The following MARVELD3 variants were observed in gnomAD, a reference collection of about 807,000 sequenced individuals.
The protein encoded by MARVELD3 is MARVEL domain-containing protein 3.
MARVELD3 carries 28 observed loss-of-function variants against 33.5 expected under a neutral mutation model. That is an observed-to-expected ratio of 0.84 (90% CI 0.62 to 1.15). The LOEUF (loss-of-function observed/expected upper bound fraction) is 1.15, where lower values mean the gene tolerates loss of function less well. Among genes scored for constraint, MARVELD3 ranks in the 50% most tolerant of loss-of-function variants. The probability of loss-of-function intolerance (pLI) is 0.00; values close to 1 mark genes in which losing one functional copy is unlikely to be tolerated. For missense variants in MARVELD3, 582 were observed against 547.6 expected (o/e 1.06, Z -0.63); for synonymous variants, 241 against 230.4 (o/e 1.05, Z -0.42).
chr16:71,627,463 C>T (rs1399502355), intron 1 of MARVELD3, among the ~76,000 whole-genome samples: 1 of 150,668 alleles, frequency 6.6e-6, no homozygotes, highest in African/African-American at 2.4e-5. Context: ...GAGATCGCAC[C>T]ACTGCACTCC....
chr16:71,626,437 G>A lies in MARVELD3; in HGVS notation c.208G>A (p.Asp70Asn). The change falls in exon 1 of 3, where the codon GAC (aspartate) becomes AAC (asparagine). Residue 70 changes from aspartate to asparagine, a missense_variant. By Grantham distance (23) the Asp-to-Asn change is conservative. Transcript: ENST00000268485. The surrounding 1 kb of genome is among the most constrained non-coding windows in gnomAD (Gnocchi z 5.3). ...ERDQERDGNR[D>N]RNRDRERERE... Reference sequence around the variant, plus strand: ...AGACCAGGAGAGGGACGGGAACCGCGACCGGAACCGGGACCGGGAGAGGGA... The same window carrying A: ...AGACCAGGAGAGGGACGGGAACCGCAACCGGAACCGGGACCGGGAGAGGGA... The A allele has an allele frequency of 3.2e-6, 5 of 1,548,374 alleles. No homozygotes were observed. The South Asian group carries it at 6.0e-5, about 18-fold the overall frequency.
chr16:71,638,496 T>C (rs963044657), downstream of MARVELD3: 3 of 152,600 alleles, frequency 2.0e-5, no homozygotes, highest in African/African-American at 4.8e-5. Flanking sequence ...ATGTGCTTTT[T>C]ATTTGCATAA....
At chr16:71,631,538 G>C (rs941644904) in intron 2 of MARVELD3, among the ~76,000 whole-genome samples, 12 of 152,034 alleles carry the variant, frequency 7.9e-5, no homozygotes, top group African/African-American at 2.7e-4. Flanking sequence ...CTGCCTCCCG[G>C]GTGCCAGTTG....
At position 71,635,426 on chromosome 16, in the gene MARVELD3, A is replaced by G; in HGVS notation, c.*623A>G. On this transcript the variant is annotated 3_prime_UTR_variant, in exon 3 of 3. Coordinates refer to ENST00000268485, the MANE Select transcript of MARVELD3 (RefSeq NM_052858.6). ...CCTCTTCATTCAGTAAAGGGAGGTC[A>G]CCAAGAGAATTTGATGAACCTTACC... The G allele has an allele frequency of 3.0e-6, 3 of 984,674 alleles. No individual in the cohort carries two copies. Among genetic ancestry groups the G allele is most frequent in the Non-Finnish European group, 3.6e-6 (3 of 829,822 alleles). 61.0% of individuals were successfully genotyped at this position (984,674 alleles called of 1,614,324 possible).
chr16:71,640,914 A>G (rs758525659), downstream of MARVELD3: 3 of 1,614,146 alleles, frequency 1.9e-6, no homozygotes, highest in South Asian at 3.3e-5. Flanking sequence ...GTACGGCGCC[A>G]GCGTGGTGCT....
Position 71,626,702 on chromosome 16 carries a change from A to AG in MARVELD3, c.467+10dup. 6.8e-7 allele frequency: 1 copy of AG among 1,466,480 alleles called. No homozygotes were observed. Among genetic ancestry groups the AG allele is most frequent in the Non-Finnish European group, 9.0e-7 (1 of 1,115,648 alleles). 90.8% of individuals were successfully genotyped at this position (1,466,480 alleles called of 1,614,324 possible). A position where few individuals can be genotyped will look rare whatever the true frequency, so the allele number is the denominator to read the frequency against. The stretch of plus-strand genomic sequence containing the variant: ...GGGCGCCGCAGACCCGAAAGGTGAG[A>AG]GGGGCCGGGGCGCTGCGACCTCCGC... On this transcript the variant is annotated splice_region_variant and intron_variant, in intron 1 of 2. Transcript: ENST00000268485. This position sits in a 1 kb window ranked among gnomAD's most constrained non-coding sequence, Gnocchi z 5.3.
downstream of MARVELD3, chr16:71,636,596 A>T (rs973535648): frequency 5.9e-5 from 9 of 151,912 alleles, no homozygotes; most frequent in African/African-American, 1.7e-4. Context: ...TTATTTTTTT[A>T]TTTCTTATTT....
chr16:71,626,221 A>G lies in MARVELD3; in HGVS notation c.-9A>G. Reference sequence around the variant, plus strand: ...AGGTCGCTCCCGGGCGGGGACACGGAACCCGGCCATGGAAGATCCGTCGGG... The same window carrying G: ...AGGTCGCTCCCGGGCGGGGACACGGGACCCGGCCATGGAAGATCCGTCGGG... On this transcript the variant is annotated 5_prime_UTR_variant, in exon 1 of 3. Coordinates refer to ENST00000268485, the MANE Select transcript of MARVELD3 (RefSeq NM_052858.6). This position sits in a 1 kb window ranked among gnomAD's most constrained non-coding sequence, Gnocchi z 5.3. 1 of 1,463,632 alleles carries G rather than the reference A, an allele frequency of 6.8e-7. No individual in the cohort carries two copies. 90.7% of individuals were successfully genotyped at this position (1,463,632 alleles called of 1,614,324 possible).
At position 71,629,458 on chromosome 16, in the gene MARVELD3, G is replaced by C; in HGVS notation, c.559G>C (p.Glu187Gln). Residue 187 changes from glutamate to glutamine, a missense_variant, in exon 2 of 3, where the codon GAA (glutamate) becomes CAA (glutamine). Coordinates refer to ENST00000268485, the MANE Select transcript of MARVELD3 (RefSeq NM_052858.6). Reference protein sequence around the residue: ...YYQSEAEGLLECHKCKYLCTG... With the variant: ...YYQSEAEGLLQCHKCKYLCTG... ...CCAGTCAGAGGCGGAAGGACTCCTG[G>C]AATGCCACAAATGCAAATACTTGTG... The C allele has an allele frequency of 6.3e-7, 1 of 1,577,502 alleles. No homozygotes were observed. Among genetic ancestry groups the C allele is most frequent in the Non-Finnish European group, 8.6e-7 (1 of 1,166,028 alleles).
chr16:71,634,886 G>T lies in MARVELD3; in HGVS notation c.*83G>T. The stretch of plus-strand genomic sequence containing the variant: ...GCCTTTCCCAAGAATCCCTTGTTGT[G>T]GAAGTTTCCAGTGCTGGAAAAGCAG... On this transcript the variant is annotated 3_prime_UTR_variant, in exon 3 of 3. Transcript: ENST00000268485. 1 of 1,515,310 alleles carries T rather than the reference G, an allele frequency of 6.6e-7. No homozygotes were observed. Among genetic ancestry groups the T allele is most frequent in the South Asian group, 1.4e-5 (1 of 73,406 alleles). 93.9% of individuals were successfully genotyped at this position (1,515,310 alleles called of 1,614,324 possible). A position where few individuals can be genotyped will look rare whatever the true frequency, so the allele number is the denominator to read the frequency against.
intron 2 of MARVELD3, among the ~76,000 whole-genome samples, chr16:71,631,496 T>C (rs764279895): frequency 4.6e-5 from 7 of 151,852 alleles, no homozygotes; most frequent in African/African-American, 1.5e-4. Flanking sequence ...CAGGCTGGAG[T>C]GCAGTGGCAT....
chr16:71,637,410 A>G (rs945765179), downstream of MARVELD3, among the ~76,000 whole-genome samples: 1 of 152,184 alleles, frequency 6.6e-6, no homozygotes, highest in Non-Finnish European at 1.5e-5. Flanking sequence ...TGTAGGGTCC[A>G]CTAACCCCCA....
At chr16:71,640,421 T>C (rs1179049864), downstream of MARVELD3, 1 of 1,614,142 alleles carries the variant, frequency 6.2e-7, no homozygotes, top group Admixed American at 1.7e-5. Context: ...TGGTCTTGAA[T>C]GGGATGGTTC....
chr16:71,633,958 CG>C (rs2044556965), intron 2 of MARVELD3, among the ~76,000 whole-genome samples: 1 of 152,116 alleles, frequency 6.6e-6, no homozygotes, highest in Non-Finnish European at 1.5e-5. Context: ...CAGGGCACAC[CG>C]CTTTGCTCTT....
At chr16:71,629,342 G>C in intron 1 of MARVELD3, 25 bp from the exon 2 acceptor site, 1 of 1,519,772 alleles carries the variant, frequency 6.6e-7, no homozygotes, top group Non-Finnish European at 8.7e-7. Flanking sequence ...ACCCCCTAAT[G>C]ACCATGTATG....
chr16:71,630,205 G>A (rs560510905), intron 2 of MARVELD3, among the ~76,000 whole-genome samples: 3 of 152,172 alleles, frequency 2.0e-5, no homozygotes, highest in African/African-American at 7.2e-5. Flanking sequence ...TGGCCAACGT[G>A]GTGAGGAGGA....
At chr16:71,638,009 C>A (rs1356345560), downstream of MARVELD3, 2 of 152,126 alleles carry the variant, frequency 1.3e-5, no homozygotes, top group Non-Finnish European at 2.9e-5. Flanking sequence ...CTTAGAAGGA[C>A]TGAATGGCTT....
rs1050771464 is a variant in MARVELD3 at position 71,636,205 on chromosome 16, A to C, written c.*1402A>C. ...CCAATAAAAAATCCAAAGAATTTTAATTTGGAGTTGATGTCCTCTTTACAA... is the reference window on the plus strand; with the variant it reads ...CCAATAAAAAATCCAAAGAATTTTACTTTGGAGTTGATGTCCTCTTTACAA... On this transcript the variant is annotated 3_prime_UTR_variant, in exon 3 of 3. Coordinates refer to ENST00000268485, the MANE Select transcript of MARVELD3 (RefSeq NM_052858.6). 1 of 946,730 alleles carries C rather than the reference A, an allele frequency of 1.1e-6. No homozygotes were observed. The highest frequency in any genetic ancestry group is 1.8e-5 in the African/African-American group (1 of 56,478). 58.6% of individuals were successfully genotyped at this position (946,730 alleles called of 1,614,324 possible). A position where few individuals can be genotyped will look rare whatever the true frequency, so the allele number is the denominator to read the frequency against.
chr16:71,630,240 A>T (rs928569466), intron 2 of MARVELD3, among the ~76,000 whole-genome samples: 3 of 150,826 alleles, frequency 2.0e-5, no homozygotes, highest in Non-Finnish European at 4.4e-5. Flanking sequence ...TGGGAGGAGG[A>T]GGTTGCAGTG....
Sources: gnomAD v4.1 joint callset for allele counts (sites outside exome capture counted in the v4.1 genomes callset) on GRCh38, gnomAD v4.1.1 for gene constraint, Gnocchi (gnomAD v3.1) non-coding constraint, MANE v1.5 for transcripts, NCBI Gene and HGNC (gene_info 2026-07-23, HGNC 2026-07-21) for gene names.